DIAPH3: variants seen among roughly 807,000 people sequenced by gnomAD.
DIAPH3 encodes protein diaphanous homolog 3.
A neutral mutation model predicts 144.3 loss-of-function variants in DIAPH3; 117 were observed. That is an observed-to-expected ratio of 0.81 (90% CI 0.70 to 0.95). DIAPH3 has a LOEUF of 0.95. Ranked by LOEUF, DIAPH3 falls within the 40% of genes least tolerant of loss-of-function variation. The pLI is 0.00. For missense variants in DIAPH3, 1,421 were observed against 1,412.7 expected (o/e 1.01, Z -0.09); for synonymous variants, 519 against 488.9 (o/e 1.06, Z -0.81).
intron 14 of DIAPH3, among the ~76,000 whole-genome samples, chr13:59,978,861 T>C (rs2050824676): frequency 6.6e-6 from 1 of 151,756 alleles, no homozygotes; most frequent in Non-Finnish European, 1.5e-5. Flanking sequence ...TTTCATTCTC[T>C]AGGGTGAATG....
chr13:60,051,505 A>G (rs2056343826), intron 4 of DIAPH3, among the ~76,000 whole-genome samples: 1 of 152,170 alleles, frequency 6.6e-6, no homozygotes, highest in Admixed American at 6.5e-5. Flanking sequence ...CTGTAATCCA[A>G]GCTACTTGGG....
rs138510527 is a variant in DIAPH3, at chr13:59,999,930, A to G, written c.1015-7347T>C. ...AATGCAAGTTTCAACAAGGGTTATC[A>G]TTTTCAAATTGTCAGACTCATAAGT... On this transcript the variant is annotated intron_variant, in intron 9 of 27. Transcript: ENST00000400324. Among the ~76,000 whole-genome samples, 568 of 152,306 alleles carry G rather than the reference A, an allele frequency of 3.7e-3. 2 individuals carry two copies. The highest frequency in any genetic ancestry group is 0.012 in the African/African-American group (501 of 41,568).
At chr13:59,893,999 AG>A (rs1280322931) in intron 20 of DIAPH3, among the ~76,000 whole-genome samples, 3 of 152,138 alleles carry the variant, frequency 2.0e-5, no homozygotes, top group Non-Finnish European at 4.4e-5. Flanking sequence ...AAATTCATTC[AG>A]GGACTTCTAA....
chr13:60,058,001 G>A (rs1336727333), intron 4 of DIAPH3, among the ~76,000 whole-genome samples: 1 of 151,538 alleles, frequency 6.6e-6, no homozygotes, highest in African/African-American at 2.4e-5. Flanking sequence ...ATTTATGAGT[G>A]AGACCCCAAA....
intron 27 of DIAPH3, among the ~76,000 whole-genome samples, chr13:59,708,999 C>G (rs1203223954): frequency 1.3e-5 from 2 of 152,108 alleles, no homozygotes; most frequent in Non-Finnish European, 2.9e-5. Context: ...AATCACCTGT[C>G]CTCTCAACAC....
At chr13:59,866,343 T>C (rs1224867047) in intron 21 of DIAPH3, among the ~76,000 whole-genome samples, 1 of 152,070 alleles carries the variant, frequency 6.6e-6, no homozygotes, top group Non-Finnish European at 1.5e-5. Flanking sequence ...AACACATGTC[T>C]GTGTGAATAC....
At chr13:59,968,429 A>G (rs1275595439) in intron 17 of DIAPH3, among the ~76,000 whole-genome samples, 2 of 152,202 alleles carry the variant, frequency 1.3e-5, no homozygotes, top group East Asian at 1.9e-4. Context: ...TTTAACTGCC[A>G]TGTATTTTCC....
intron 27 of DIAPH3, among the ~76,000 whole-genome samples, chr13:59,712,014 C>A (rs1402685910): frequency 6.6e-6 from 1 of 152,010 alleles, no homozygotes; most frequent in Non-Finnish European, 1.5e-5. Context: ...TCTCTTGGGA[C>A]AATAAAACAC....
chr13:59,955,569 G>A (rs889146012), intron 17 of DIAPH3, among the ~76,000 whole-genome samples: 5 of 152,158 alleles, frequency 3.3e-5, no homozygotes, highest in African/African-American at 1.2e-4. Context: ...TGGCACTGCA[G>A]AGTGGGCGCT....
At chr13:59,721,288 T>A (rs879652866) in intron 27 of DIAPH3, among the ~76,000 whole-genome samples, 1 of 152,166 alleles carries the variant, frequency 6.6e-6, no homozygotes, top group Admixed American at 6.5e-5. Context: ...AGCAAATGCA[T>A]AAAACTTTCA....
intron 25 of DIAPH3, among the ~76,000 whole-genome samples, chr13:59,792,560 TAATCGAAA>T (rs2039384027): frequency 6.6e-6 from 1 of 152,192 alleles, no homozygotes; most frequent in South Asian, 2.1e-4. Flanking sequence ...TCCTTGGCCA[TAATCGAAA>T]TCTTGTCACT....
intron 3 of DIAPH3, among the ~76,000 whole-genome samples, chr13:60,105,052 C>T (rs530184597): frequency 2.4e-4 from 31 of 128,898 alleles, no homozygotes; most frequent in East Asian, 1.1e-3. Flanking sequence ...GCTGAGATTG[C>T]GCCACTATAC....
chr13:60,003,712 T>C (rs2052673387), intron 9 of DIAPH3, among the ~76,000 whole-genome samples: 2 of 151,994 alleles, frequency 1.3e-5, no homozygotes, highest in Admixed American at 1.3e-4. Flanking sequence ...TAGCTGGGAC[T>C]ATAGGCACCC....
chr13:60,022,532 C>G (rs865908690), intron 5 of DIAPH3, among the ~76,000 whole-genome samples: 1 of 152,152 alleles, frequency 6.6e-6, no homozygotes. Flanking sequence ...GTCAGCAGGG[C>G]TGCTGCCTGG....
intron 27 of DIAPH3, among the ~76,000 whole-genome samples, chr13:59,767,147 C>A (rs188932655): frequency 6.6e-6 from 1 of 152,132 alleles, no homozygotes; most frequent in Non-Finnish European, 1.5e-5. Context: ...CCCAGGTACA[C>A]ATGACGTCAT....
intron 24 of DIAPH3, among the ~76,000 whole-genome samples, chr13:59,822,876 T>C (rs1045936915): frequency 6.6e-6 from 1 of 152,170 alleles, no homozygotes; most frequent in Non-Finnish European, 1.5e-5. Flanking sequence ...GGCCACTGCA[T>C]TTGATGTACA....
At chr13:59,992,277 A>C in intron 10 of DIAPH3, 91 bp from the exon 11 acceptor site, 1 of 1,152,670 alleles carries the variant, frequency 8.7e-7, no homozygotes, top group Non-Finnish European at 1.3e-6. Context: ...CCAACCATTC[A>C]ACTTGATTTA....
At chr13:59,988,936 A>G (rs1001755226) in intron 12 of DIAPH3, among the ~76,000 whole-genome samples, 1 of 151,812 alleles carries the variant, frequency 6.6e-6, no homozygotes, top group Admixed American at 6.6e-5. Context: ...ATATTCTCCA[A>G]TCGAATTCCA....
intron 22 of DIAPH3, among the ~76,000 whole-genome samples, chr13:59,850,380 G>A (rs1023077192): frequency 2.6e-5 from 4 of 151,382 alleles, no homozygotes; most frequent in African/African-American, 9.7e-5. Context: ...GTGAGAGAGG[G>A]CATCCCTGTC....
Sources: allele counts gnomAD v4.1 joint callset (sites outside exome capture counted in the v4.1 genomes callset), GRCh38; gene constraint gnomAD v4.1.1; transcripts MANE v1.5; gene names NCBI Gene and HGNC (gene_info 2026-07-23, HGNC 2026-07-21).